The following EARS2 variants were observed in gnomAD, a reference collection of about 807,000 sequenced individuals.
EARS2 encodes the protein glutamyl-tRNA synthetase 2, mitochondrial.
EARS2 carries 50 observed loss-of-function variants against 54.1 expected under a neutral mutation model. The ratio of observed to expected loss-of-function variants is 0.92; its 90% CI spans 0.74 to 1.17. The LOEUF (loss-of-function observed/expected upper bound fraction) is 1.17. Ranked by LOEUF, EARS2 falls within the 50% of genes most tolerant of loss-of-function variation. EARS2 has a pLI of 0.00. For missense variants in EARS2, 673 were observed against 675.0 expected, an observed-to-expected ratio of 1.00 and a Z score of 0.03; for synonymous variants, 298 against 281.0, an observed-to-expected ratio of 1.06 and a Z score of -0.61.
intron 1 of EARS2, among the ~76,000 whole-genome samples, chr16:23,556,552 C>T (rs1041940156): frequency 6.6e-6 from 1 of 152,178 alleles, no homozygotes; most frequent in Non-Finnish European, 1.5e-5. Context: ...CAGGGCTTCA[C>T]CATGTTGGTC....
chr16:23,525,383 G>A lies in EARS2; in HGVS notation c.1353-4C>T, dbSNP rs754940638. On this transcript the variant is annotated splice_region_variant and splice_polypyrimidine_tract_variant and intron_variant, in intron 7 of 8. Coordinates refer to ENST00000449606, the MANE Select transcript of EARS2 (RefSeq NM_001083614.2). Reference sequence around the variant, plus strand: ...CATACTAGATCTTTCTAGAAGCCTAGAAGAAGAGGGCCAGTTTACAGGGCC... The same window carrying A: ...CATACTAGATCTTTCTAGAAGCCTAAAAGAAGAGGGCCAGTTTACAGGGCC... 2 of 1,610,874 alleles carry A rather than the reference G, an allele frequency of 1.2e-6. No homozygotes were observed. The highest frequency in any genetic ancestry group is 1.7e-6 in the Non-Finnish European group (2 of 1,178,458).
intron 1 of EARS2, 176 bp downstream of exon 1, chr16:23,557,029 G>T (rs1440704010): frequency 2.0e-6 from 2 of 982,374 alleles, no homozygotes; most frequent in Admixed American, 2.2e-5. Context: ...CTGGCAATTT[G>T]AATTATTTCC....
intron 5 of EARS2, among the ~76,000 whole-genome samples, chr16:23,530,862 C>T (rs868634116): frequency 8.6e-5 from 13 of 150,916 alleles, no homozygotes; most frequent in South Asian, 2.1e-4. Context: ...GGTGACAGGG[C>T]GAGACCCAGC....
At chr16:23,525,611 G>GT (rs534100949) in intron 7 of EARS2, among the ~76,000 whole-genome samples, 23 of 152,174 alleles carry the variant, frequency 1.5e-4, no homozygotes, top group Non-Finnish European at 3.1e-4. Flanking sequence ...ATGCAGGGAG[G>GT]TAAGAGGTGC....
At chr16:23,539,350 T>C (rs1030317343) in intron 3 of EARS2, among the ~76,000 whole-genome samples, 4 of 152,226 alleles carry the variant, frequency 2.6e-5, no homozygotes, top group Admixed American at 6.6e-5. Context: ...ATACTTGATC[T>C]GTTCTTTTCC....
At chr16:23,542,498 CAG>C (rs1965532342) in intron 3 of EARS2, among the ~76,000 whole-genome samples, 1 of 146,240 alleles carries the variant, frequency 6.8e-6, no homozygotes, top group African/African-American at 2.5e-5. Flanking sequence ...GTATTTTTAG[CAG>C]AGACGGGGTT....
chr16:23,524,251 C>T lies in EARS2; in HGVS notation c.*120G>A. On this transcript the variant is annotated 3_prime_UTR_variant, in exon 9 of 9. Transcript: ENST00000449606. ...ACTTGTGTGCAGTCAGAGATTGTTT[C>T]CACTCTTAGTTCCTTCAGCAAACTT... The T allele has an allele frequency of 1.2e-6, 1 of 812,896 alleles. No homozygotes were observed. Among genetic ancestry groups the T allele is most frequent in the African/African-American group, 1.7e-5 (1 of 58,832 alleles). The allele number at this position is 812,896 out of a possible 1,614,324, so 50.4% of individuals were successfully genotyped here.
intron 2 of EARS2, chr16:23,544,969 A>C: frequency 2.9e-6 from 1 of 345,438 alleles, no homozygotes; most frequent in Non-Finnish European, 5.2e-6. Context: ...AGCCTCCCGA[A>C]TAGCTGGGAT....
intron 3 of EARS2, 54 bp downstream of exon 3, chr16:23,544,460 G>A (rs756286195): frequency 1.4e-5 from 21 of 1,549,424 alleles, no homozygotes; most frequent in Non-Finnish European, 1.8e-5. Context: ...GCAGCACAAG[G>A]TAACAAACAC....
At chr16:23,541,506 T>C (rs1370149853) in intron 3 of EARS2, among the ~76,000 whole-genome samples, 2 of 152,212 alleles carry the variant, frequency 1.3e-5, no homozygotes, top group Non-Finnish European at 2.9e-5. Context: ...ACATAGCATG[T>C]ACATAGTACA....
Position 23,531,451 on chromosome 16 carries a change from C to T in EARS2, c.1067+1206G>A, listed in dbSNP as rs546970251. 7.2e-5 allele frequency among the ~76,000 whole-genome samples: 11 copies of T among 152,092 alleles called. No homozygotes were observed. In the South Asian group the frequency reaches 1.0e-3, roughly 14 times the overall value. On this transcript the variant is annotated intron_variant, in intron 5 of 8. Coordinates refer to ENST00000449606, the MANE Select transcript of EARS2 (RefSeq NM_001083614.2). ...AAGTTTTTTGTATTTTTAGTAGAGA[C>T]GGGGTTTCACTGTGTTCGCCAGGAT...
At position 23,535,075 on chromosome 16, in the gene EARS2, G is replaced by A; in HGVS notation, c.771C>T (p.His257=). Residue 257 remains histidine, a synonymous_variant, in exon 4 of 9, where the codon CAC becomes CAT. Coordinates refer to ENST00000449606, the MANE Select transcript of EARS2 (RefSeq NM_001083614.2). ...AGCCCAGGGCCTGGTAGAGGAGCAGGTGCTTGGCAGTGGAGACGAGCCACT... is the reference window on the plus strand; with the variant it reads ...AGCCCAGGGCCTGGTAGAGGAGCAGATGCTTGGCAGTGGAGACGAGCCACT... ...GSEWLVSTAK[H]LLLYQALGWQ... The A allele has an allele frequency of 2.5e-6, 4 of 1,603,500 alleles. No homozygotes were observed. The highest frequency in any genetic ancestry group is 3.4e-6 in the Non-Finnish European group (4 of 1,175,932).
intron 2 of EARS2, among the ~76,000 whole-genome samples, chr16:23,547,364 C>T (rs1213381210): frequency 6.6e-6 from 1 of 152,160 alleles, no homozygotes; most frequent in Non-Finnish European, 1.5e-5. Flanking sequence ...TGGAAAACAA[C>T]TGCTAATAAG....
intron 8 of EARS2, among the ~76,000 whole-genome samples, 192 bp from the exon 9 acceptor site, chr16:23,524,646 C>CTTTTT (rs1172358291): frequency 7.5e-6 from 1 of 132,688 alleles, no homozygotes; most frequent in South Asian, 2.4e-4. Flanking sequence ...AACCACCGCC[C>CTTTTT]TTTTTTTTTT....
chr16:23,557,367 GCTT>G, upstream of EARS2: 7 of 1,536,976 alleles, frequency 4.6e-6, no homozygotes, highest in Non-Finnish European at 5.2e-6. Context: ...GCACACGTGG[GCTT>G]CTCCCTGCGT....
chr16:23,535,403 T>C (rs775036221), intron 3 of EARS2, 43 bp from the exon 4 acceptor site: 8 of 1,559,570 alleles, frequency 5.1e-6, no homozygotes, highest in South Asian at 2.3e-5. Context: ...GATGGAAAGG[T>C]TGATGGACAG....
chr16:23,529,144 T>A (rs1241253075), intron 7 of EARS2, among the ~76,000 whole-genome samples: 1 of 152,210 alleles, frequency 6.6e-6, no homozygotes, highest in Non-Finnish European at 1.5e-5. Context: ...GTTATTACTG[T>A]TACAGTAAGA....
intron 7 of EARS2, among the ~76,000 whole-genome samples, chr16:23,526,064 A>AAAGCACC: frequency 6.6e-6 from 1 of 151,732 alleles, no homozygotes; most frequent in East Asian, 1.9e-4. Flanking sequence ...TAAAACTTAT[A>AAAGCACC]AAGCACCAAG....
intron 3 of EARS2, among the ~76,000 whole-genome samples, chr16:23,543,436 C>A (rs1427333603): frequency 5.3e-4 from 74 of 139,772 alleles, no homozygotes; most frequent in East Asian, 1.4e-3. Context: ...ACAACAACAA[C>A]AACAAAAAAA....
Sources: allele counts gnomAD v4.1 joint callset (sites outside exome capture counted in the v4.1 genomes callset), GRCh38; gene constraint gnomAD v4.1.1; transcripts MANE v1.5; gene names NCBI Gene and HGNC (gene_info 2026-07-23, HGNC 2026-07-21).